The following SLC25A40 variants were observed in gnomAD, a reference collection of about 807,000 sequenced individuals.
SLC25A40 encodes the protein solute carrier family 25 member 40.
A neutral mutation model predicts 46.5 loss-of-function variants in SLC25A40; 41 were observed. That is an observed-to-expected ratio of 0.88 (90% CI 0.69 to 1.14). SLC25A40 has a LOEUF of 1.14. Ranked by LOEUF, SLC25A40 falls within the 50% of genes most tolerant of loss-of-function variation. SLC25A40 has a pLI of 0.00. For missense variants in SLC25A40, 386 were observed against 393.6 expected (o/e 0.98, Z 0.16); for synonymous variants, 126 against 127.5 (o/e 0.99, Z 0.08).
At position 87,835,353 on chromosome 7, in the gene SLC25A40, A is replaced by C. The variant is rs141987730; in HGVS notation, c.*896T>G. ...ATCTTGTAACTATTGTTGTAGCAAT[A>C]ATCTGTCTTGTTAGAACAACACAAT... On this transcript the variant is annotated 3_prime_UTR_variant, in exon 12 of 12. Coordinates refer to ENST00000341119, the MANE Select transcript of SLC25A40 (RefSeq NM_018843.4). 1.8e-4 allele frequency: 28 copies of C among 151,820 alleles called. No homozygotes were observed. The highest frequency in any genetic ancestry group is 6.3e-4 in the African/African-American group (26 of 41,532). 9.4% of individuals were successfully genotyped at this position (151,820 alleles called of 1,614,324 possible). A position where few individuals can be genotyped will look rare whatever the true frequency, so the allele number is the denominator to read the frequency against.
chr7:87,846,537 GTTTATT>G (rs948169521), intron 8 of SLC25A40, among the ~76,000 whole-genome samples: 1 of 152,148 alleles, frequency 6.6e-6, no homozygotes, highest in African/African-American at 2.4e-5. Flanking sequence ...ATGGGGAGAT[GTTTATT>G]TTTAATAACT....
rs1838231282 is a variant in SLC25A40 at position 87,834,371 on chromosome 7, T to C, written c.*1878A>G. On this transcript the variant is annotated 3_prime_UTR_variant, in exon 12 of 12. Transcript: ENST00000341119. Reference sequence around the variant, plus strand: ...TTATAGCAAAATTCTGAACACTTTTTGGTTGTTAGTATATTTTAAAAGTAT... The same window carrying C: ...TTATAGCAAAATTCTGAACACTTTTCGGTTGTTAGTATATTTTAAAAGTAT... 6.6e-6 allele frequency: 1 copy of C among 151,872 alleles called. No individual in the cohort carries two copies. The highest frequency in any genetic ancestry group is 1.9e-4 in the East Asian group (1 of 5,184). 9.4% of individuals were successfully genotyped at this position (151,872 alleles called of 1,614,324 possible).
At chr7:87,872,032 T>C (rs887778744) in intron 1 of SLC25A40, among the ~76,000 whole-genome samples, 2 of 152,232 alleles carry the variant, frequency 1.3e-5, no homozygotes, top group Non-Finnish European at 2.9e-5. Flanking sequence ...ACTAATTTAT[T>C]AAAGATCTTA....
rs1169472623 is a variant in SLC25A40, at chr7:87,843,636, C to A, written c.741+118G>T. On this transcript the variant is annotated intron_variant, in intron 9 of 11. Coordinates refer to ENST00000341119, the MANE Select transcript of SLC25A40 (RefSeq NM_018843.4). ...TTAAAATAGATGGAAAATACTTAGA[C>A]AAATTTTCAAGCAGTGCAGCCAAAG... 3 of 634,182 alleles carry A rather than the reference C, an allele frequency of 4.7e-6. No homozygotes were observed. The African/African-American group carries it at 5.8e-5, about 12-fold the overall frequency. The allele number at this position is 634,182 out of a possible 1,614,324, so 39.3% of individuals were successfully genotyped here. A position where few individuals can be genotyped will look rare whatever the true frequency, so the allele number is the denominator to read the frequency against.
At chr7:87,857,320 G>T (rs927441853) in intron 3 of SLC25A40, among the ~76,000 whole-genome samples, 1 of 152,062 alleles carries the variant, frequency 6.6e-6, no homozygotes, top group Non-Finnish European at 1.5e-5. Flanking sequence ...TGTTGATAGG[G>T]ACCCAAAAGA....
chr7:87,870,352 A>G (rs1244785845), intron 1 of SLC25A40, among the ~76,000 whole-genome samples: 2 of 152,102 alleles, frequency 1.3e-5, no homozygotes. Context: ...GACAAAAATG[A>G]TAAAACGTCA....
rs200018738 is a variant in SLC25A40 at position 87,847,013 on chromosome 7, T to G, written c.567A>C (p.Glu189Asp). 6.2e-7 allele frequency: 1 copy of G among 1,613,806 alleles called. No individual in the cohort carries two copies. The highest frequency in any genetic ancestry group is 1.7e-5 in the Admixed American group (1 of 60,008). ...CCCTCCAAAGGGAAATCCAACCATC[T>G]TCAGATACTTTCTTGCTGACAAATC... ...LHRFVSKKVS[E>D]DGWISLWRGW... Residue 189 changes from glutamate to aspartate, a missense_variant, in exon 8 of 12, where the codon GAA becomes GAC. Transcript: ENST00000341119.
intron 3 of SLC25A40, among the ~76,000 whole-genome samples, chr7:87,857,932 T>C (rs944047300): frequency 5.9e-5 from 9 of 152,204 alleles, no homozygotes; most frequent in African/African-American, 2.2e-4. Context: ...TATTGCTAAA[T>C]TATTTTCCTA....
intron 1 of SLC25A40, among the ~76,000 whole-genome samples, chr7:87,864,414 GATCT>G (rs956462711): frequency 7.9e-5 from 12 of 152,118 alleles, no homozygotes; most frequent in Admixed American, 7.9e-4. Context: ...CCACCATGCT[GATCT>G]ATCAAAAAAA....
intron 6 of SLC25A40, 25 bp from the exon 7 acceptor site, chr7:87,848,002 G>C (rs1838447751): frequency 4.4e-6 from 7 of 1,581,222 alleles, no homozygotes; most frequent in Non-Finnish European, 4.3e-6. Flanking sequence ...AAAAAGATTT[G>C]TTCAAAATTA....
At chr7:87,858,535 TAGAA>T (rs1323882470) in intron 3 of SLC25A40, 92 bp downstream of exon 3, 5 of 724,684 alleles carry the variant, frequency 6.9e-6, no homozygotes, top group African/African-American at 1.8e-5. Flanking sequence ...TTATGGAAAA[TAGAA>T]AGAAACTACG....
At chr7:87,861,020 C>T (rs985073018) in intron 1 of SLC25A40, among the ~76,000 whole-genome samples, 15 of 152,058 alleles carry the variant, frequency 9.9e-5, no homozygotes, top group Admixed American at 8.5e-4. Flanking sequence ...TGTAAGAGGG[C>T]GAACCTTTAA....
intron 5 of SLC25A40, among the ~76,000 whole-genome samples, chr7:87,852,060 T>C (rs938072283): frequency 6.6e-6 from 1 of 152,200 alleles, no homozygotes; most frequent in Admixed American, 6.5e-5. Flanking sequence ...TTTTATGCTG[T>C]CTAAAAGAAA....
At position 87,836,828 on chromosome 7, in the gene SLC25A40, G is replaced by T. The variant is rs752217363; in HGVS notation, c.824-18C>A. On this transcript the variant is annotated intron_variant, in intron 10 of 11. Coordinates refer to ENST00000341119, the MANE Select transcript of SLC25A40 (RefSeq NM_018843.4). ...CATAGAAACTAAATGTTAAAATAAAGAAATAATGCTATTATAAATAACAAT... is the reference window on the plus strand; with the variant it reads ...CATAGAAACTAAATGTTAAAATAAATAAATAATGCTATTATAAATAACAAT... 3 of 1,368,466 alleles carry T rather than the reference G, an allele frequency of 2.2e-6. No homozygotes were observed. The highest frequency in any genetic ancestry group is 2.0e-6 in the Non-Finnish European group (2 of 1,012,140). 84.8% of individuals were successfully genotyped at this position (1,368,466 alleles called of 1,614,324 possible). A position where few individuals can be genotyped will look rare whatever the true frequency, so the allele number is the denominator to read the frequency against.
At chr7:87,837,441 T>TA (rs1838272894) in intron 10 of SLC25A40, among the ~76,000 whole-genome samples, 1 of 151,294 alleles carries the variant, frequency 6.6e-6, no homozygotes, top group Non-Finnish European at 1.5e-5. Context: ...TCTGAATGGA[T>TA]ACGCTATTCT....
At chr7:87,854,863 G>A (rs1168188865) in intron 4 of SLC25A40, among the ~76,000 whole-genome samples, 3 of 138,972 alleles carry the variant, frequency 2.2e-5, no homozygotes, top group African/African-American at 5.4e-5. Context: ...TATGTTTTCA[G>A]AACTGCAATA....
At chr7:87,866,833 G>A (rs574919199) in intron 1 of SLC25A40, among the ~76,000 whole-genome samples, 14 of 152,292 alleles carry the variant, frequency 9.2e-5, no homozygotes, top group South Asian at 2.1e-4. Flanking sequence ...TGCTACTCAC[G>A]AGTTCCTTCA....
At chr7:87,854,996 C>T (rs573576192) in intron 4 of SLC25A40, among the ~76,000 whole-genome samples, 1 of 151,120 alleles carries the variant, frequency 6.6e-6, no homozygotes, top group African/African-American at 2.4e-5. Context: ...TCCATCTCTA[C>T]AAAAAAATTT....
rs549760197 is a variant in SLC25A40, at chr7:87,859,180, C to T, written c.-24-429G>A. ...TATTCAAAAATAATCACCGGCCAGG[C>T]GTGGTGGCTCACACCTGTAACCCCA... On this transcript the variant is annotated intron_variant, in intron 2 of 11. Coordinates refer to ENST00000341119, the MANE Select transcript of SLC25A40 (RefSeq NM_018843.4). Among the ~76,000 whole-genome samples, 223 of 152,158 alleles carry T rather than the reference C, an allele frequency of 1.5e-3. 1 individual carries two copies. The highest frequency in any genetic ancestry group is 2.5e-3 in the Admixed American group (38 of 15,280).
Sources: allele counts gnomAD v4.1 joint callset (sites outside exome capture counted in the v4.1 genomes callset), GRCh38; gene constraint gnomAD v4.1.1; transcripts MANE v1.5; gene names NCBI Gene and HGNC (gene_info 2026-07-23, HGNC 2026-07-21).